FRMD5: variants seen among roughly 807,000 people sequenced by gnomAD.
FRMD5 encodes FERM domain containing 5, also known as FERM domain-containing protein 5.
A neutral mutation model predicts 69.0 loss-of-function variants in FRMD5; 20 were observed. The observed-to-expected ratio is 0.29, with a 90% CI of 0.20 to 0.42. FRMD5 has a LOEUF of 0.42. FRMD5 is among the 10% of genes least tolerant of loss of function. The pLI is 1.00. For missense variants in FRMD5, 595 were observed against 708.6 expected (o/e 0.84, Z 1.82); for synonymous variants, 271 against 260.1 (o/e 1.04, Z -0.40).
At chr15:44,191,384 G>C (rs1460680087) in intron 1 of FRMD5, among the ~76,000 whole-genome samples, 4 of 152,034 alleles carry the variant, frequency 2.6e-5, no homozygotes, top group Non-Finnish European at 4.4e-5. Context: ...TCAAGAGATA[G>C]AGACCATCCT....
At chr15:44,021,250 C>A (rs1390786490) in intron 1 of FRMD5, among the ~76,000 whole-genome samples, 1 of 152,120 alleles carries the variant, frequency 6.6e-6, no homozygotes, top group Non-Finnish European at 1.5e-5. Context: ...TGCAACACTG[C>A]ACACCAGCCT....
intron 1 of FRMD5, among the ~76,000 whole-genome samples, chr15:43,948,571 A>C (rs1382131929): frequency 6.6e-6 from 1 of 152,258 alleles, no homozygotes; most frequent in Admixed American, 6.5e-5. Context: ...ATCATGTAGC[A>C]ATTACAAGCC....
At chr15:43,956,328 C>T (rs899432264) in intron 1 of FRMD5, among the ~76,000 whole-genome samples, 2 of 152,106 alleles carry the variant, frequency 1.3e-5, no homozygotes, top group African/African-American at 4.8e-5. Context: ...TAAGTCTCCT[C>T]AAGTATTGAA....
In FRMD5 at chr15:43,888,241, A is replaced by G. The variant is rs528059360; in HGVS notation, c.818T>C (p.Phe273Ser). The change falls in exon 10 of 14, where the codon TTT (phenylalanine) becomes TCT (serine). Residue 273 changes from phenylalanine (F) to serine (S), a missense_variant. Phe to Ser is a radical substitution (Grantham distance 155, BLOSUM62 -2). Coordinates refer to ENST00000417257, the MANE Select transcript of FRMD5 (RefSeq NM_032892.5). ...KEEKKIILTY[F>S]APTPEACKHL... ...CTTACACGCTTCAGGAGTTGGAGCA[A>G]AATATGTAAGAATAATTTTCTTTTC... is the stretch of plus-strand genomic sequence containing the variant. The G allele has an allele frequency of 6.2e-7, 1 of 1,613,906 alleles. No individual in the cohort carries two copies. The highest frequency in any genetic ancestry group is 2.2e-5 in the East Asian group (1 of 44,882).
At position 43,902,144 on chromosome 15, in the gene FRMD5, G is replaced by A. The variant is rs746500882; in HGVS notation, c.639+31C>T. 4 of 1,530,250 alleles carry A rather than the reference G, an allele frequency of 2.6e-6. No individual in the cohort carries two copies. In the African/African-American group the frequency reaches 5.5e-5, roughly 21 times the overall value. 94.8% of individuals were successfully genotyped at this position (1,530,250 alleles called of 1,614,324 possible). ...TCCTGATGCCTTCTAGAGGAGGAAA[G>A]GTCATGCAGTCTCCAACCAGGGGGT... On this transcript the variant is annotated intron_variant, in intron 7 of 13. Coordinates refer to ENST00000417257, the MANE Select transcript of FRMD5 (RefSeq NM_032892.5).
In FRMD5 at chr15:44,080,231, G is replaced by A. The variant is rs374861799; in HGVS notation, c.102+114722C>T. 6.6e-5 allele frequency among the ~76,000 whole-genome samples: 10 copies of A among 151,990 alleles called. No individual in the cohort carries two copies. In the East Asian group the frequency reaches 7.7e-4, roughly 12 times the overall value. ...TTCCAAACCCAATTTTAAATTAAGA[G>A]TTCATATATGCATTCTTTGTCTTCC... On this transcript the variant is annotated intron_variant, in intron 1 of 13. Coordinates refer to ENST00000417257, the MANE Select transcript of FRMD5 (RefSeq NM_032892.5).
chr15:43,883,888 A>G, intron 12 of FRMD5, 79 bp from the exon 13 acceptor site: 1 of 992,296 alleles, frequency 1.0e-6, no homozygotes, highest in South Asian at 1.3e-5. Flanking sequence ...AGTACTGGCT[A>G]CTAGAATTGC....
At chr15:43,979,479 C>T (rs1042446544) in intron 1 of FRMD5, among the ~76,000 whole-genome samples, 1 of 152,166 alleles carries the variant, frequency 6.6e-6, no homozygotes, top group African/African-American at 2.4e-5. Context: ...AGGCAAGGGA[C>T]TGGGACTTGA....
At chr15:43,884,702 TG>T (rs775926657) in intron 12 of FRMD5, 24 bp downstream of exon 12, 4 of 1,608,288 alleles carry the variant, frequency 2.5e-6, no homozygotes, top group African/African-American at 2.7e-5. Flanking sequence ...TACAACTGTT[TG>T]GGGGGAAGCC....
At chr15:44,032,409 G>C (rs987065357) in intron 1 of FRMD5, among the ~76,000 whole-genome samples, 1 of 152,132 alleles carries the variant, frequency 6.6e-6, no homozygotes, top group Non-Finnish European at 1.5e-5. Flanking sequence ...TGTCCACAGA[G>C]TAAACAGACA....
intron 1 of FRMD5, chr15:43,989,327 C>T: frequency 1.3e-6 from 1 of 783,670 alleles, no homozygotes; most frequent in Non-Finnish European, 2.4e-6. Context: ...AGGATGTCCA[C>T]ATCACACTTC....
At chr15:44,061,245 T>A (rs2140379730) in intron 1 of FRMD5, among the ~76,000 whole-genome samples, 1 of 152,362 alleles carries the variant, frequency 6.6e-6, no homozygotes, top group South Asian at 2.1e-4. Context: ...CCAGCTTTTC[T>A]CAATATCATA....
Position 43,874,466 on chromosome 15 carries a change from G to C in FRMD5, c.1136-4C>G. 6.2e-7 allele frequency: 1 copy of C among 1,612,314 alleles called. No homozygotes were observed. Among genetic ancestry groups the C allele is most frequent in the Non-Finnish European group, 8.5e-7 (1 of 1,178,362 alleles). On this transcript the variant is annotated splice_region_variant and splice_polypyrimidine_tract_variant and intron_variant, in intron 13 of 13. Transcript: ENST00000417257. Reference sequence around the variant, plus strand: ...CTGTCCCGTAAGGACTCTAGGCCTAGAAAGGCAAAAGGAACATGAGTAGGC... The same window carrying C: ...CTGTCCCGTAAGGACTCTAGGCCTACAAAGGCAAAAGGAACATGAGTAGGC...
At position 43,970,070 on chromosome 15, in the gene FRMD5, G is replaced by A. The variant is rs569062892; in HGVS notation, c.103-45761C>T. ...GAGGATAGAAGAAAAAGTGGGAACT[G>A]GATTTTGTGCTTAATTTTCTTCAAC... On this transcript the variant is annotated intron_variant, in intron 1 of 13. Transcript: ENST00000417257. Among the ~76,000 whole-genome samples, 58 of 152,298 alleles carry A rather than the reference G, an allele frequency of 3.8e-4. No homozygotes were observed. In the South Asian group the frequency reaches 0.011, roughly 28 times the overall value.
At chr15:44,174,015 T>G (rs373800995) in intron 1 of FRMD5, among the ~76,000 whole-genome samples, 1 of 152,134 alleles carries the variant, frequency 6.6e-6, no homozygotes, top group Non-Finnish European at 1.5e-5. Context: ...ATAGGTAGTA[T>G]GAAGCAGAGC....
intron 1 of FRMD5, among the ~76,000 whole-genome samples, chr15:44,006,519 A>G (rs1890457077): frequency 6.6e-6 from 1 of 152,218 alleles, no homozygotes. Flanking sequence ...ATGAATAGTG[A>G]TTCCTCTGAT....
At chr15:44,112,356 ATTAT>A (rs1173546606) in intron 1 of FRMD5, among the ~76,000 whole-genome samples, 1 of 152,176 alleles carries the variant, frequency 6.6e-6, no homozygotes, top group Non-Finnish European at 1.5e-5. Context: ...AACTCCTTAT[ATTAT>A]TTGTGTACTA....
At chr15:43,985,753 C>A (rs772402189) in intron 1 of FRMD5, among the ~76,000 whole-genome samples, 1 of 152,068 alleles carries the variant, frequency 6.6e-6, no homozygotes, top group Non-Finnish European at 1.5e-5. Flanking sequence ...GCTAGCGGGG[C>A]AAATCAGTAT....
intron 5 of FRMD5, 36 bp from the exon 6 acceptor site, chr15:43,905,987 G>A (rs1296271162): frequency 9.3e-6 from 15 of 1,613,684 alleles, no homozygotes; most frequent in African/African-American, 1.3e-5. Flanking sequence ...CAATTGTGGA[G>A]ACAGGTAAAT....
Sources: gnomAD v4.1 joint callset for allele counts (sites outside exome capture counted in the v4.1 genomes callset) on GRCh38, gnomAD v4.1.1 for gene constraint, MANE v1.5 for transcripts, NCBI Gene and HGNC (gene_info 2026-07-23, HGNC 2026-07-21) for gene names.